Variants in GPAT3 observed in about 807,000 individuals in gnomAD.
GPAT3 encodes the protein 1-AGP acyltransferase 9.
In GPAT3, 53 loss-of-function variants were observed where a neutral mutation model predicts 58.8. That is an observed-to-expected ratio of 0.90 (90% CI 0.72 to 1.13). The LOEUF (loss-of-function observed/expected upper bound fraction) is 1.13, where lower values mean the gene tolerates loss of function less well. GPAT3 is among the 50% of genes most tolerant of loss of function. The probability of loss-of-function intolerance (pLI) is 0.00; values close to 1 mark genes in which losing one functional copy is unlikely to be tolerated. For missense variants in GPAT3, 511 were observed against 527.6 expected, an observed-to-expected ratio of 0.97 and a Z score of 0.31; for synonymous variants, 197 against 187.4, an observed-to-expected ratio of 1.05 and a Z score of -0.42.
intron 2 of GPAT3, among the ~76,000 whole-genome samples, chr4:83,562,204 A>ATTT: frequency 2.6e-5 from 1 of 38,502 alleles, no homozygotes; most frequent in Non-Finnish European, 5.3e-5. Flanking sequence ...TATATAATAT[A>ATTT]TATATATTAT....
chr4:83,562,211 TTATATATATATATAATATATATATA>T (rs1560611082), intron 2 of GPAT3, among the ~76,000 whole-genome samples: 22,465 of 72,980 alleles, frequency 0.31, 2,609 homozygotes, highest in Middle Eastern at 0.44. Context: ...TATATATATA[TTATATATATATATAATATATATATA>T]ATATATATAT....
chr4:83,600,083 A>G (rs1206573790), intron 11 of GPAT3, among the ~76,000 whole-genome samples: 1 of 152,150 alleles, frequency 6.6e-6, no homozygotes, highest in African/African-American at 2.4e-5. Context: ...AACCTTGGAT[A>G]AGGGGGGAGT....
intron 2 of GPAT3, among the ~76,000 whole-genome samples, chr4:83,579,081 CCCTT>C (rs778000097): frequency 0.067 from 1,310 of 19,538 alleles, 73 homozygotes; most frequent in South Asian, 0.16. Flanking sequence ...TTTCTTTCTT[CCCTT>C]CCTTCCTTCC....
At chr4:83,545,934 G>A (rs1724488597) in intron 2 of GPAT3, among the ~76,000 whole-genome samples, 1 of 151,850 alleles carries the variant, frequency 6.6e-6, no homozygotes, top group Non-Finnish European at 1.5e-5. Flanking sequence ...CATGTTTTGG[G>A]CCATGAATTT....
chr4:83,604,863 GT>G lies in GPAT3; in HGVS notation c.*98del. The stretch of plus-strand genomic sequence containing the variant: ...GTTTTATTGTTTTGTTTTTATTATT[GT>G]TAATCTTTTCTACAGAATGATTGTC... On this transcript the variant is annotated 3_prime_UTR_variant, in exon 12 of 12. Transcript: ENST00000264409. 2 of 1,023,396 alleles carry G rather than the reference GT, an allele frequency of 2.0e-6. No individual in the cohort carries two copies. The highest frequency in any genetic ancestry group is 2.8e-6 in the Non-Finnish European group (2 of 702,474). The allele number at this position is 1,023,396 out of a possible 1,614,324, so 63.4% of individuals were successfully genotyped here. A position where few individuals can be genotyped will look rare whatever the true frequency, so the allele number is the denominator to read the frequency against.
upstream of GPAT3, chr4:83,535,665 C>A: frequency 1.0e-6 from 1 of 980,018 alleles, no homozygotes; most frequent in Non-Finnish European, 1.2e-6. Flanking sequence ...GCTCAGTGGG[C>A]TAGGCAACGC....
At chr4:83,580,822 C>A (rs377758600) in intron 2 of GPAT3, among the ~76,000 whole-genome samples, 281 of 152,170 alleles carry the variant, frequency 1.8e-3, no homozygotes, top group African/African-American at 6.6e-3. Context: ...ATCGGCCGGG[C>A]GTGGTGGCTC....
Position 83,604,990 on chromosome 4 carries a change from T to C in GPAT3, c.*223T>C. On this transcript the variant is annotated 3_prime_UTR_variant, in exon 12 of 12. Transcript: ENST00000264409. Reference sequence around the variant, plus strand: ...TGGATTGTAAGGTGGTTTACTGAGTTAAAACAGATTCTGCTTTTGTAAAAT... The same window carrying C: ...TGGATTGTAAGGTGGTTTACTGAGTCAAAACAGATTCTGCTTTTGTAAAAT... The C allele has an allele frequency of 2.4e-6, 1 of 413,110 alleles. No homozygotes were observed. The highest frequency in any genetic ancestry group is 2.0e-5 in the African/African-American group (1 of 49,024). 25.6% of individuals were successfully genotyped at this position (413,110 alleles called of 1,614,324 possible). A position where few individuals can be genotyped will look rare whatever the true frequency, so the allele number is the denominator to read the frequency against.
intron 3 of GPAT3, among the ~76,000 whole-genome samples, chr4:83,584,631 G>A (rs1726309921): frequency 6.6e-6 from 1 of 152,136 alleles, no homozygotes; most frequent in Non-Finnish European, 1.5e-5. Flanking sequence ...TCAGCCTCTC[G>A]AGTAGCTGGA....
rs370419600 is a variant in GPAT3 at position 83,544,024 on chromosome 4, G to A, written c.142-512G>A. 6.6e-5 allele frequency among the ~76,000 whole-genome samples: 10 copies of A among 152,246 alleles called. No homozygotes were observed. In the East Asian group the frequency reaches 1.5e-3, roughly 24 times the overall value. The stretch of plus-strand genomic sequence containing the variant: ...GCTTATTTCTGATGCATCTTTGAGC[G>A]TGTCCTACCCCTGAATGTCTAATTT... On this transcript the variant is annotated intron_variant, in intron 1 of 11. Coordinates refer to ENST00000264409, the MANE Select transcript of GPAT3 (RefSeq NM_032717.5).
At chr4:83,556,459 C>G (rs370121606) in intron 2 of GPAT3, among the ~76,000 whole-genome samples, 4 of 151,344 alleles carry the variant, frequency 2.6e-5, no homozygotes, top group African/African-American at 7.3e-5. Context: ...GATTGCACCA[C>G]TGCACTCCAG....
rs138102736 is a variant in GPAT3, at chr4:83,552,208, C to T, written c.208+7606C>T. Among the ~76,000 whole-genome samples the T allele has an allele frequency of 5.3e-5, 8 of 152,270 alleles. No individual in the cohort carries two copies. In the East Asian group the frequency reaches 1.2e-3, roughly 22 times the overall value. On this transcript the variant is annotated intron_variant, in intron 2 of 11. Transcript: ENST00000264409. ...TACTTTGGATTGGGTAATTCTTTGTCGTGGGCAACAGTCCTGTACAATGTG... is the reference window on the plus strand; with the variant it reads ...TACTTTGGATTGGGTAATTCTTTGTTGTGGGCAACAGTCCTGTACAATGTG...
At position 83,581,791 on chromosome 4, in the gene GPAT3, G is replaced by A. The variant is rs35757547; in HGVS notation, c.438G>A (p.Val146=). 559 of 1,614,148 alleles carry A rather than the reference G, an allele frequency of 3.5e-4. 2 individuals are homozygous for A. In the African/African-American group the frequency reaches 6.6e-3, roughly 19 times the overall value. ...YISLRLTMVW[V]LGVIVRYCVL... ...GTCTGCGGCTCACTATGGTGTGGGT[G>A]CTGGGCGTCATAGTGCGCTATTGTG... is the stretch of plus-strand genomic sequence containing the variant. The change falls in exon 3 of 12, where the codon GTG becomes GTA. Residue 146 remains valine, a synonymous_variant. Transcript: ENST00000264409.
At chr4:83,601,591 A>G (rs1031099921) in intron 11 of GPAT3, among the ~76,000 whole-genome samples, 2 of 152,190 alleles carry the variant, frequency 1.3e-5, no homozygotes, top group African/African-American at 2.4e-5. Flanking sequence ...TGTCTCTACA[A>G]AAAGAATACA....
intron 11 of GPAT3, among the ~76,000 whole-genome samples, chr4:83,604,011 G>A (rs1055439416): frequency 6.6e-6 from 1 of 152,014 alleles, no homozygotes; most frequent in Non-Finnish European, 1.5e-5. Context: ...TTTCCTTAAG[G>A]AATAATATAG....
chr4:83,576,708 T>C (rs1578184004), intron 2 of GPAT3, among the ~76,000 whole-genome samples: 1 of 152,230 alleles, frequency 6.6e-6, no homozygotes, highest in Non-Finnish European at 1.5e-5. Flanking sequence ...CCTCCCAAAG[T>C]ACTGGGATTA....
At chr4:83,576,476 C>G (rs1269618864) in intron 2 of GPAT3, among the ~76,000 whole-genome samples, 1 of 151,718 alleles carries the variant, frequency 6.6e-6, no homozygotes, top group Non-Finnish European at 1.5e-5. Context: ...CAGAGTCCCA[C>G]TCTGTCACCC....
At position 83,604,762 on chromosome 4, in the gene GPAT3, A is replaced by G. The variant is rs754014968; in HGVS notation, c.1300A>G (p.Ser434Gly). The G allele has an allele frequency of 1.9e-6, 3 of 1,613,480 alleles. No homozygotes were observed. The highest frequency in any genetic ancestry group is 2.2e-5 in the East Asian group (1 of 44,836). The part of the protein sequence containing the change: ...SKMIVGNGSL[S>G] ...GATGATTGTGGGCAATGGATCTCTC[A>G]GCTAAGAGGACGGATGACAGCCTTT... The change falls in exon 12 of 12, where the codon AGC (serine) becomes GGC (glycine). Residue 434 changes from serine (S) to glycine (G), a missense_variant. Physicochemically the swap from Ser to Gly is moderately conservative, Grantham distance 56. Coordinates refer to ENST00000264409, the MANE Select transcript of GPAT3 (RefSeq NM_032717.5).
intron 2 of GPAT3, among the ~76,000 whole-genome samples, chr4:83,557,419 A>T (rs1724979997): frequency 6.6e-6 from 1 of 152,204 alleles, no homozygotes. Flanking sequence ...ACTCTAACTT[A>T]GGGGTATCCA....
Sources: allele counts gnomAD v4.1 joint callset (sites outside exome capture counted in the v4.1 genomes callset), GRCh38; gene constraint gnomAD v4.1.1; transcripts MANE v1.5; gene names NCBI Gene and HGNC (gene_info 2026-07-23, HGNC 2026-07-21).